ANO9: variants seen among roughly 807,000 people sequenced by gnomAD.
ANO9 encodes the protein anoctamin-9.
In ANO9, 80 loss-of-function variants were observed where a neutral mutation model predicts 100.5. The observed-to-expected ratio is 0.80, with a 90% CI of 0.66 to 0.96. The LOEUF is 0.96. Among genes scored for constraint, ANO9 ranks in the 40% least tolerant of loss-of-function variants. ANO9 has a pLI of 0.00. For missense variants in ANO9, 1,064 were observed against 1,072.7 expected (o/e 0.99, Z 0.11); for synonymous variants, 473 against 435.6 (o/e 1.09, Z -1.07).
chr11:440,867 G>C (rs778021598), intron 1 of ANO9, among the ~76,000 whole-genome samples: 4 of 152,242 alleles, frequency 2.6e-5, no homozygotes, highest in African/African-American at 9.6e-5. Context: ...CGGAGTAGCC[G>C]GGACCACAGG....
At chr11:433,694 G>T in intron 3 of ANO9, 121 bp downstream of exon 3, 2 of 1,447,956 alleles carry the variant, frequency 1.4e-6, no homozygotes, top group South Asian at 2.8e-5. Context: ...CCTCCGTGCC[G>T]CCATGACCGG....
intron 1 of ANO9, among the ~76,000 whole-genome samples, chr11:441,282 C>G (rs1416086688): frequency 6.6e-6 from 1 of 152,214 alleles, no homozygotes; most frequent in African/African-American, 2.4e-5. Context: ...GACCTCTTCA[C>G]TGGCAGAGGG....
In ANO9 at chr11:418,900, A is replaced by C. The variant is rs1215908946; in HGVS notation, c.2024T>G (p.Val675Gly). 6.2e-7 allele frequency: 1 copy of C among 1,613,606 alleles called. No individual in the cohort carries two copies. Among genetic ancestry groups the C allele is most frequent in the East Asian group, 2.2e-5 (1 of 44,878 alleles). Residue 675 changes from valine to glycine, a missense_variant, in exon 21 of 23, where the codon GTG (valine) becomes GGG (glycine). Val to Gly is a moderately radical substitution (Grantham distance 109). Transcript: ENST00000332826. Reference sequence around the variant, plus strand: ...GGGAGTTCCAAACCTGCACAGAGTCACGTTTTCTGAGCCCTCAATCCCATC... The same window carrying C: ...GGGAGTTCCAAACCTGCACAGAGTCCCGTTTTCTGAGCCCTCAATCCCATC... The part of the protein sequence containing the change: ...DPDGIEGSEN[V>G]TLCRYRDYRN...
In ANO9 at chr11:428,705, C is replaced by T. The variant is rs538925610; in HGVS notation, c.1020+17G>A. The T allele has an allele frequency of 3.7e-6, 6 of 1,612,852 alleles. No homozygotes were observed. The highest frequency in any genetic ancestry group is 1.3e-5 in the African/African-American group (1 of 75,048). On this transcript the variant is annotated intron_variant, in intron 12 of 22. Transcript: ENST00000332826. Reference sequence around the variant, plus strand: ...GCAGCCCGGGTCTCCAGCCCCACCGCGGTGTCCCCTGCGTACCATGAGCAG... The same window carrying T: ...GCAGCCCGGGTCTCCAGCCCCACCGTGGTGTCCCCTGCGTACCATGAGCAG...
At position 433,808 on chromosome 11, in the gene ANO9, C is replaced by G; in HGVS notation, c.204+7G>C. 6.4e-7 allele frequency: 1 copy of G among 1,557,062 alleles called. No homozygotes were observed. Among genetic ancestry groups the G allele is most frequent in the Non-Finnish European group, 8.7e-7 (1 of 1,150,760 alleles). On this transcript the variant is annotated splice_region_variant and intron_variant, in intron 3 of 22. Transcript: ENST00000332826. ...ATGGCCCTGCCCCTCGCTGGGCACCCGCCCACCTTAATGTGGAAGCCCTTT... is the reference window on the plus strand; with the variant it reads ...ATGGCCCTGCCCCTCGCTGGGCACCGGCCCACCTTAATGTGGAAGCCCTTT...
chr11:441,554 G>A (rs910907134), intron 1 of ANO9, among the ~76,000 whole-genome samples: 19 of 152,132 alleles, frequency 1.2e-4, no homozygotes, highest in African/African-American at 3.4e-4. Flanking sequence ...CCAGGTCTGG[G>A]GTCCTCAGCA....
At position 420,984 on chromosome 11, in the gene ANO9, A is replaced by C. The variant is rs149591462; in HGVS notation, c.1451T>G (p.Leu484Arg). ...LFVQMAIIMGLKQTLSNCVEY... is the reference protein window; with the variant it reads ...LFVQMAIIMGRKQTLSNCVEY... ...GACGCAGTTGCTGAGCGTCTGCTTC[A>C]GGCCCATGATGATGGCCATCTGCAC... Residue 484 changes from leucine to arginine, a missense_variant, in exon 17 of 23, where the codon CTG (leucine) becomes CGG (arginine). By Grantham distance (102) the Leu-to-Arg change is moderately radical. Coordinates refer to ENST00000332826, the MANE Select transcript of ANO9 (RefSeq NM_001012302.3). 2.5e-5 allele frequency: 40 copies of C among 1,607,402 alleles called. No individual in the cohort carries two copies. Among genetic ancestry groups the C allele is most frequent in the Non-Finnish European group, 3.4e-5 (40 of 1,176,026 alleles).
rs548375353 is a variant in ANO9 at position 429,004 on chromosome 11, G to A, written c.916-178C>T. 2.8e-3 allele frequency among the ~76,000 whole-genome samples: 393 copies of A among 138,248 alleles called. 2 individuals carry two copies. The highest frequency in any genetic ancestry group is 7.1e-3 in the African/African-American group (256 of 35,876). 90.7% of individuals were successfully genotyped at this position (138,248 alleles called of 152,430 possible). ...AGACAGACACAGGGACACGCCTCAC[G>A]GGTGGACAGACACGGGACACTCACA... On this transcript the variant is annotated intron_variant, in intron 11 of 22. Coordinates refer to ENST00000332826, the MANE Select transcript of ANO9 (RefSeq NM_001012302.3).
In ANO9 at chr11:422,445, A is replaced by G. The variant is rs900153163; in HGVS notation, c.1335-1247T>C. Among the ~76,000 whole-genome samples, 1 of 152,218 alleles carries G rather than the reference A, an allele frequency of 6.6e-6. No individual in the cohort carries two copies. Among genetic ancestry groups the G allele is most frequent in the South Asian group, 2.1e-4 (1 of 4,830 alleles). ...TAAGACGGGGAGATTATCTTGGGTT[A>G]TCTGGGTTTTTCTGGTGTAATCACA... On this transcript the variant is annotated intron_variant, in intron 15 of 22. Transcript: ENST00000332826. This position sits in a 1 kb window ranked among gnomAD's most constrained non-coding sequence, Gnocchi z 4.3.
Position 417,983 on chromosome 11 carries a change from G to C in ANO9, c.*388C>G. The C allele has an allele frequency of 4.2e-6, 1 of 236,286 alleles. No individual in the cohort carries two copies. Among genetic ancestry groups the C allele is most frequent in the Admixed American group, 5.1e-5 (1 of 19,718 alleles). The allele number at this position is 236,286 out of a possible 1,614,324, so 14.6% of individuals were successfully genotyped here. The stretch of plus-strand genomic sequence containing the variant: ...AGAAACGGGTTGGCTGAAGGGAACA[G>C]GCCAGCGAGGTGGGCTCAGGACACC... On this transcript the variant is annotated 3_prime_UTR_variant, in exon 23 of 23. Coordinates refer to ENST00000332826, the MANE Select transcript of ANO9 (RefSeq NM_001012302.3). This position sits in a 1 kb window ranked among gnomAD's most constrained non-coding sequence, Gnocchi z 4.2.
In ANO9 at chr11:421,059, G is replaced by T; in HGVS notation, c.1393-17C>A. On this transcript the variant is annotated splice_polypyrimidine_tract_variant and intron_variant, in intron 16 of 22. Coordinates refer to ENST00000332826, the MANE Select transcript of ANO9 (RefSeq NM_001012302.3). The surrounding 1 kb of genome is among the most constrained non-coding windows in gnomAD (Gnocchi z 6.8). ...GGCGTGGCACTGCGGGGCCAGACAG[G>T]AGGAGATCAGGGAGGGGTCCTGGGG... The T allele has an allele frequency of 6.3e-7, 1 of 1,596,954 alleles. No individual in the cohort carries two copies.
At chr11:434,678 G>C (rs186977952) in intron 1 of ANO9, among the ~76,000 whole-genome samples, 2 of 152,152 alleles carry the variant, frequency 1.3e-5, no homozygotes, top group Non-Finnish European at 2.9e-5. Context: ...GCATCATGCC[G>C]CCCCCTCACA....
At position 441,459 on chromosome 11, in the gene ANO9, C is replaced by T. The variant is rs111719349; in HGVS notation, c.6+462G>A. ...GAGCAGAGAGCCCACAGCCCGCCGGCCACTCTGCAGCTCCCAACCCTGGGG... is the reference window on the plus strand; with the variant it reads ...GAGCAGAGAGCCCACAGCCCGCCGGTCACTCTGCAGCTCCCAACCCTGGGG... On this transcript the variant is annotated intron_variant, in intron 1 of 22. Coordinates refer to ENST00000332826, the MANE Select transcript of ANO9 (RefSeq NM_001012302.3). Among the ~76,000 whole-genome samples the T allele has an allele frequency of 5.0e-3, 765 of 152,296 alleles. 5 individuals are homozygous for T. Among genetic ancestry groups the T allele is most frequent in the East Asian group, 0.015 (76 of 5,176 alleles).
chr11:441,109 G>C (rs1458429717), intron 1 of ANO9, among the ~76,000 whole-genome samples: 1 of 152,196 alleles, frequency 6.6e-6, no homozygotes, highest in Admixed American at 6.5e-5. Context: ...GAGGGCCGAG[G>C]AGAGCCCTGG....
chr11:428,071 C>G lies in ANO9; in HGVS notation c.1334+17G>C, dbSNP rs1447620551. On this transcript the variant is annotated intron_variant, in intron 15 of 22. Coordinates refer to ENST00000332826, the MANE Select transcript of ANO9 (RefSeq NM_001012302.3). The stretch of plus-strand genomic sequence containing the variant: ...CCCTCGTGAGTTGGGTTGGAGGGAG[C>G]CTGGCGCCGGCCCTACCTGCCCAGG... 5 of 1,591,280 alleles carry G rather than the reference C, an allele frequency of 3.1e-6. No homozygotes were observed. Among genetic ancestry groups the G allele is most frequent in the Non-Finnish European group, 4.3e-6 (5 of 1,170,894 alleles).
In ANO9 at chr11:429,534, G is replaced by A. The variant is rs202000265; in HGVS notation, c.915+36C>T. 31 of 1,609,634 alleles carry A rather than the reference G, an allele frequency of 1.9e-5. No homozygotes were observed. The East Asian group carries it at 4.9e-4, about 26-fold the overall frequency. On this transcript the variant is annotated intron_variant, in intron 11 of 22. Transcript: ENST00000332826. Reference sequence around the variant, plus strand: ...CATCGGGCGCCAACAGCCCCTGCTCGGGTCGGCCTCAGCTGCGCTGCCAGC... The same window carrying A: ...CATCGGGCGCCAACAGCCCCTGCTCAGGTCGGCCTCAGCTGCGCTGCCAGC...
At position 421,440 on chromosome 11, in the gene ANO9, C is replaced by T. The variant is rs575547109; in HGVS notation, c.1335-242G>A. Among the ~76,000 whole-genome samples the T allele has an allele frequency of 5.9e-5, 8 of 135,436 alleles. No homozygotes were observed. Among genetic ancestry groups the T allele is most frequent in the Admixed American group, 1.5e-4 (2 of 13,644 alleles). 88.9% of individuals were successfully genotyped at this position (135,436 alleles called of 152,430 possible). A position where few individuals can be genotyped will look rare whatever the true frequency, so the allele number is the denominator to read the frequency against. Reference sequence around the variant, plus strand: ...TGAACCGCACCCACACGTGGGCGCGCGCACACACACACACACCCCCACACA... The same window carrying T: ...TGAACCGCACCCACACGTGGGCGCGTGCACACACACACACACCCCCACACA... On this transcript the variant is annotated intron_variant, in intron 15 of 22. Coordinates refer to ENST00000332826, the MANE Select transcript of ANO9 (RefSeq NM_001012302.3). The surrounding 1 kb of genome is among the most constrained non-coding windows in gnomAD (Gnocchi z 6.8).
At chr11:425,854 C>T (rs1235172405) in intron 15 of ANO9, among the ~76,000 whole-genome samples, 1 of 151,992 alleles carries the variant, frequency 6.6e-6, no homozygotes, top group Non-Finnish European at 1.5e-5. Flanking sequence ...TCAGCCTCCC[C>T]AGTAGCTGGG....
chr11:422,158 G>GT lies in ANO9; in HGVS notation c.1335-961dup, dbSNP rs1848236032. On this transcript the variant is annotated intron_variant, in intron 15 of 22. Transcript: ENST00000332826. This position sits in a 1 kb window ranked among gnomAD's most constrained non-coding sequence, Gnocchi z 4.3. ...CGGTCACCCGCAGACACCAGCACAA[G>GT]TTATACCATAACGAGACTGAAACTC... Among the ~76,000 whole-genome samples, 1 of 152,220 alleles carries GT rather than the reference G, an allele frequency of 6.6e-6. No homozygotes were observed. The highest frequency in any genetic ancestry group is 2.4e-5 in the African/African-American group (1 of 41,454).
Sources: allele counts gnomAD v4.1 joint callset (sites outside exome capture counted in the v4.1 genomes callset), GRCh38; gene constraint gnomAD v4.1.1; non-coding constraint Gnocchi (gnomAD v3.1); transcripts MANE v1.5; gene names NCBI Gene and HGNC (gene_info 2026-07-23, HGNC 2026-07-21).